KPNA7: variants seen among roughly 807,000 people sequenced by gnomAD.
KPNA7 encodes importin subunit alpha-8.
Under a neutral mutation model 53.7 loss-of-function variants are expected in KPNA7, and 54 were observed. That is an observed-to-expected ratio of 1.01 (90% confidence interval 0.81 to 1.26). KPNA7 has a LOEUF of 1.26. KPNA7 is among the 50% of genes most tolerant of loss of function. The pLI is 0.00. For synonymous variants in KPNA7, 276 were observed against 259.3 expected (o/e 1.06, Z -0.62); for missense variants, 640 against 644.5 (o/e 0.99, Z 0.07).
Position 99,188,387 on chromosome 7 carries a change from G to A in KPNA7, c.813C>T (p.Gly271=). The A allele has an allele frequency of 6.4e-7, 1 of 1,551,642 alleles. No homozygotes were observed. The highest frequency in any genetic ancestry group is 8.7e-7 in the Non-Finnish European group (1 of 1,147,000). ...CCACTTGGCCGATGCGCTTGTTGGA[G>A]CCGTCGGTGAGGTAGGACAGTGCCC... is the stretch of plus-strand genomic sequence containing the variant. ...ACWALSYLTD[G]SNKRIGQVVN... is the part of the protein sequence containing the mutation. Residue 271 remains glycine, a synonymous_variant, in exon 7 of 11, where the codon GGC becomes GGT. Transcript: ENST00000327442.
chr7:99,205,410 CAAAAAA>C (rs61410237), intron 2 of KPNA7, among the ~76,000 whole-genome samples: 8,774 of 109,614 alleles, frequency 0.08, 402 homozygotes, highest in African/African-American at 0.18. Context: ...GACTCCATCT[CAAAAAA>C]AAAAAAAAAA....
chr7:99,169,633 C>T (rs1011166887), downstream of KPNA7, among the ~76,000 whole-genome samples: 2 of 151,734 alleles, frequency 1.3e-5, no homozygotes, highest in Non-Finnish European at 2.9e-5. Context: ...AGATAAATAA[C>T]CTGACCTTGT....
In KPNA7 at chr7:99,185,047, G is replaced by A. The variant is rs780573823; in HGVS notation, c.1016C>T (p.Pro339Leu). 3 of 1,551,874 alleles carry A rather than the reference G, an allele frequency of 1.9e-6. No individual in the cohort carries two copies. The highest frequency in any genetic ancestry group is 2.6e-6 in the Non-Finnish European group (3 of 1,147,030). Residue 339 changes from proline (P) to leucine (L), a missense_variant, in exon 8 of 11, where the codon CCC (proline) becomes CTC (leucine). By Grantham distance (98) the Pro-to-Leu change is moderately conservative (BLOSUM62 -3). Transcript: ENST00000327442. ...CCAGGCTGCCTCCTTCTGGATGGAG[G>A]GCTTGTTGTGTTGCAGGAGCTGGGG... Reference protein sequence around the residue: ...VLPQLLQHNKPSIQKEAAWAL... With the variant: ...VLPQLLQHNKLSIQKEAAWAL...
chr7:99,166,897 C>T, the KPNA7 span, among the ~76,000 whole-genome samples: 4 of 152,190 alleles, frequency 2.6e-5, no homozygotes, highest in East Asian at 3.9e-4. Flanking sequence ...GGATTACAGG[C>T]GTAAGCCACC....
chr7:99,200,178 T>C (rs1261102013), intron 3 of KPNA7, among the ~76,000 whole-genome samples: 1 of 152,106 alleles, frequency 6.6e-6, no homozygotes, highest in East Asian at 1.9e-4. Flanking sequence ...GCTGGGATTA[T>C]AGGCATGAGC....
chr7:99,211,569 T>A (rs561237813), upstream of KPNA7, among the ~76,000 whole-genome samples: 2 of 150,594 alleles, frequency 1.3e-5, no homozygotes, highest in East Asian at 3.9e-4. Context: ...AAGGAGGGAG[T>A]TGGAGATAGA....
chr7:99,206,462 T>C (rs1465100984), intron 2 of KPNA7, among the ~76,000 whole-genome samples: 1 of 151,866 alleles, frequency 6.6e-6, no homozygotes, highest in Non-Finnish European at 1.5e-5. Context: ...CAGCCCAGCC[T>C]GGTTTTTTAT....
intron 1 of KPNA7, among the ~76,000 whole-genome samples, chr7:99,215,790 T>G (rs1791204681): frequency 6.6e-6 from 1 of 151,986 alleles, no homozygotes; most frequent in Non-Finnish European, 1.5e-5. Flanking sequence ...GGCAACACAG[T>G]GAGACCCCAT....
chr7:99,174,741 A>G (rs1236842375), intron 10 of KPNA7, among the ~76,000 whole-genome samples: 1 of 152,206 alleles, frequency 6.6e-6, no homozygotes, highest in Non-Finnish European at 1.5e-5. Context: ...CTTCTAGTCC[A>G]GAAATCTTTA....
chr7:99,146,057 A>C, the KPNA7 span, among the ~76,000 whole-genome samples: 2 of 152,244 alleles, frequency 1.3e-5, no homozygotes, highest in East Asian at 3.9e-4. Flanking sequence ...TCCAGTCTCT[A>C]ATGCTCCCAA....
upstream of KPNA7, among the ~76,000 whole-genome samples, chr7:99,209,144 T>G (rs1291980516): frequency 1.3e-5 from 2 of 151,906 alleles, no homozygotes; most frequent in African/African-American, 2.4e-5. Flanking sequence ...AGAGTAAGAT[T>G]CCGTCTCAAA....
At chr7:99,161,827 T>C in the KPNA7 span, among the ~76,000 whole-genome samples, 2 of 152,116 alleles carry the variant, frequency 1.3e-5, no homozygotes, top group South Asian at 4.1e-4. Context: ...AATGAGGCAC[T>C]TAACAGTGAA....
chr7:99,157,243 CTT>C, the KPNA7 span, among the ~76,000 whole-genome samples: 1 of 152,094 alleles, frequency 6.6e-6, no homozygotes, highest in Non-Finnish European at 1.5e-5. Context: ...GAGTTTTGCT[CTT>C]GTTGCCCAGG....
the KPNA7 span, among the ~76,000 whole-genome samples, chr7:99,164,874 G>A: frequency 6.6e-6 from 1 of 152,166 alleles, no homozygotes; most frequent in Non-Finnish European, 1.5e-5. Context: ...GAGGCAGGAG[G>A]ATCACCTGAG....
chr7:99,156,990 T>C, the KPNA7 span, among the ~76,000 whole-genome samples: 3 of 152,186 alleles, frequency 2.0e-5, no homozygotes, highest in Non-Finnish European at 4.4e-5. Context: ...TGGTCTATAT[T>C]CTGAAAGATT....
chr7:99,167,927 T>C, the KPNA7 span, among the ~76,000 whole-genome samples: 1 of 152,026 alleles, frequency 6.6e-6, no homozygotes, highest in African/African-American at 2.4e-5. Flanking sequence ...TCCATTACAA[T>C]GTGATAATAA....
intron 10 of KPNA7, among the ~76,000 whole-genome samples, chr7:99,176,623 C>T (rs1482355979): frequency 6.6e-6 from 1 of 152,150 alleles, no homozygotes; most frequent in African/African-American, 2.4e-5. Flanking sequence ...ACCTGTAATT[C>T]CGGCACTTTG....
the KPNA7 span, among the ~76,000 whole-genome samples, chr7:99,155,716 A>G: frequency 6.7e-6 from 1 of 149,448 alleles, no homozygotes; most frequent in Non-Finnish European, 1.5e-5. Flanking sequence ...GCATGCCACC[A>G]CACTAATTTT....
At chr7:99,167,630 T>TGCA in the KPNA7 span, among the ~76,000 whole-genome samples, 6 of 125,608 alleles carry the variant, frequency 4.8e-5, no homozygotes, top group African/African-American at 2.0e-4. Context: ...TTTTTTTTTT[T>TGCA]TTTTTTTTTT....
Sources: gnomAD v4.1 joint callset for allele counts (sites outside exome capture counted in the v4.1 genomes callset) on GRCh38, gnomAD v4.1.1 for gene constraint, MANE v1.5 for transcripts, NCBI Gene and HGNC (gene_info 2026-07-23, HGNC 2026-07-21) for gene names.